The following ANK2 variants were observed in gnomAD, a reference collection of about 807,000 sequenced individuals.
The protein encoded by ANK2 is ankyrin-2.
ANK2 carries 83 observed loss-of-function variants against 360.5 expected under a neutral mutation model. The observed-to-expected ratio is 0.23, with a 90% CI of 0.19 to 0.28. The LOEUF (loss-of-function observed/expected upper bound fraction) is 0.28. ANK2 is among the 10% of genes least tolerant of loss of function. The pLI is 1.00. For missense variants in ANK2, 4,201 were observed against 4,795.7 expected (o/e 0.88, Z 3.66); for synonymous variants, 1,740 against 1,759.5 (o/e 0.99, Z 0.28).
intron 1 of ANK2, among the ~76,000 whole-genome samples, chr4:113,153,054 G>A (rs77601128): frequency 0.037 from 5,631 of 152,114 alleles, 177 homozygotes; most frequent in Non-Finnish European, 0.054. Context: ...ATGAGTTTAA[G>A]TGTTGCTGAC....
At chr4:112,871,052 C>A (rs1035733126) in intron 1 of ANK2, among the ~76,000 whole-genome samples, 2 of 151,836 alleles carry the variant, frequency 1.3e-5, no homozygotes, top group African/African-American at 2.4e-5. Flanking sequence ...TATTTGATTG[C>A]GTTTGATGCT....
intron 15 of ANK2, among the ~76,000 whole-genome samples, chr4:113,277,244 A>G (rs2060561687): frequency 6.6e-6 from 1 of 152,236 alleles, no homozygotes; most frequent in African/African-American, 2.4e-5. Context: ...TCTTTTAGAC[A>G]GTGTGAGTCT....
intron 1 of ANK2, among the ~76,000 whole-genome samples, chr4:112,856,677 A>G (rs1277067617): frequency 6.6e-6 from 1 of 152,216 alleles, no homozygotes; most frequent in African/African-American, 2.4e-5. Flanking sequence ...GCAGTGAGCC[A>G]AGATCACGCC....
At chr4:113,069,057 TGAAAAGAAAA>T (rs377135339) in intron 1 of ANK2, among the ~76,000 whole-genome samples, 1 of 150,180 alleles carries the variant, frequency 6.7e-6, no homozygotes, top group Non-Finnish European at 1.5e-5. Context: ...CCCTGTCTAA[TGAAAAGAAAA>T]GAAAAGAAGA....
chr4:113,135,757 T>C lies in ANK2; in HGVS notation c.85-38659T>C, dbSNP rs368953338. Reference sequence around the variant, plus strand: ...ATGCTTTTGTGGCCATTGGCATTTTTGTTCTTTTCATTCCTCCTCATGTTC... The same window carrying C: ...ATGCTTTTGTGGCCATTGGCATTTTCGTTCTTTTCATTCCTCCTCATGTTC... On this transcript the variant is annotated intron_variant, in intron 1 of 45. Coordinates refer to ENST00000357077, the MANE Select transcript of ANK2 (RefSeq NM_001148.6). Among the ~76,000 whole-genome samples, 4 of 152,316 alleles carry C rather than the reference T, an allele frequency of 2.6e-5. No homozygotes were observed. The East Asian group carries it at 5.8e-4, about 22-fold the overall frequency.
chr4:113,251,077 A>G lies in ANK2; in HGVS notation c.990+1215A>G, dbSNP rs1285830653. Among the ~76,000 whole-genome samples, 3 of 152,308 alleles carry G rather than the reference A, an allele frequency of 2.0e-5. No individual in the cohort carries two copies. In the East Asian group the frequency reaches 5.8e-4, roughly 29 times the overall value. On this transcript the variant is annotated intron_variant, in intron 10 of 45. Transcript: ENST00000357077. ...TGCAACAATTTGGGCTGGGTAATGC[A>G]GAGATAATTATGTAAAGTTTTGATA...
intron 1 of ANK2, among the ~76,000 whole-genome samples, chr4:113,072,291 A>G (rs2077882131): frequency 2.0e-5 from 3 of 152,182 alleles, no homozygotes; most frequent in South Asian, 2.1e-4. Flanking sequence ...TTTTGTAACA[A>G]TTTTTATGTC....
the ANK2 span, among the ~76,000 whole-genome samples, chr4:112,767,932 C>T: frequency 6.6e-6 from 1 of 152,178 alleles, no homozygotes; most frequent in East Asian, 1.9e-4. Context: ...ATACCTCCCT[C>T]TGCCTTTTAC....
At chr4:112,733,951 T>G in the ANK2 span, among the ~76,000 whole-genome samples, 1 of 152,252 alleles carries the variant, frequency 6.6e-6, no homozygotes, top group Non-Finnish European at 1.5e-5. Context: ...ATTTTTGTAT[T>G]TTTAGTAGAG....
the ANK2 span, among the ~76,000 whole-genome samples, chr4:112,735,642 C>T: frequency 6.6e-6 from 1 of 152,210 alleles, no homozygotes; most frequent in Admixed American, 6.5e-5. Flanking sequence ...GTATTACCCT[C>T]TGTACCATTC....
the ANK2 span, among the ~76,000 whole-genome samples, chr4:112,752,983 C>CACCT: frequency 1.2e-4 from 19 of 152,138 alleles, no homozygotes; most frequent in Admixed American, 2.6e-4. Flanking sequence ...TTCTAAGCAA[C>CACCT]ACCTCCTGGC....
chr4:113,106,097 T>A (rs1337556365), intron 1 of ANK2, among the ~76,000 whole-genome samples: 1 of 152,234 alleles, frequency 6.6e-6, no homozygotes, highest in Admixed American at 6.5e-5. Context: ...TTATATGGTA[T>A]GGCTTGACGG....
the ANK2 span, chr4:112,788,962 G>T: frequency 1.8e-6 from 1 of 568,558 alleles, no homozygotes; most frequent in East Asian, 2.8e-5. Context: ...CTCTCTGAGG[G>T]CAGGAACCAT....
rs1364142049 is a variant in ANK2 at position 113,336,465 on chromosome 4, T to C, written c.3592-112T>C. The C allele has an allele frequency of 4.6e-6, 5 of 1,077,784 alleles. No homozygotes were observed. In the African/African-American group the frequency reaches 1.0e-4, roughly 22 times the overall value. The allele number at this position is 1,077,784 out of a possible 1,614,324, so 66.8% of individuals were successfully genotyped here. A position where few individuals can be genotyped will look rare whatever the true frequency, so the allele number is the denominator to read the frequency against. ...CATATTTGAAGCCCACCAAACTTAT[T>C]TGTAAGATAAAAAATACTTTGGGGA... On this transcript the variant is annotated intron_variant, in intron 30 of 45. Transcript: ENST00000357077.
At chr4:113,095,773 T>G (rs894337512) in intron 1 of ANK2, among the ~76,000 whole-genome samples, 1 of 152,230 alleles carries the variant, frequency 6.6e-6, no homozygotes, top group African/African-American at 2.4e-5. Flanking sequence ...GTACTCTACA[T>G]CTCACTGTCT....
At chr4:112,824,875 A>G (rs944361028) in intron 1 of ANK2, among the ~76,000 whole-genome samples, 3 of 152,214 alleles carry the variant, frequency 2.0e-5, no homozygotes, top group Non-Finnish European at 4.4e-5. Context: ...CAACCACACT[A>G]GAAAATGTAA....
chr4:112,802,066 G>A, the ANK2 span, among the ~76,000 whole-genome samples: 3 of 152,068 alleles, frequency 2.0e-5, no homozygotes, highest in Non-Finnish European at 4.4e-5. Context: ...GGGGAAAAGG[G>A]TCACTTCCTG....
At chr4:113,252,694 C>G (rs1425722692) in intron 10 of ANK2, among the ~76,000 whole-genome samples, 1 of 152,182 alleles carries the variant, frequency 6.6e-6, no homozygotes, top group Non-Finnish European at 1.5e-5. Context: ...CATAGTTTCA[C>G]TCTTCCTCAT....
intron 1 of ANK2, among the ~76,000 whole-genome samples, chr4:113,163,739 G>GGGCAACAA (rs1475685868): frequency 2.4e-5 from 3 of 125,850 alleles, no homozygotes; most frequent in Non-Finnish European, 4.7e-5. Context: ...ACTCCAGCCT[G>GGGCAACAA]GGCAACAAGA....
Sources: gnomAD v4.1 joint callset for allele counts (sites outside exome capture counted in the v4.1 genomes callset) on GRCh38, gnomAD v4.1.1 for gene constraint, MANE v1.5 for transcripts, NCBI Gene and HGNC (gene_info 2026-07-23, HGNC 2026-07-21) for gene names.